Variants in MACROD2 observed in about 807,000 individuals in gnomAD.
MACROD2 encodes ADP-ribose glycohydrolase MACROD2.
In MACROD2, 36 loss-of-function variants were observed where a neutral mutation model predicts 70.4. The ratio of observed to expected loss-of-function variants is 0.51; its 90% CI spans 0.39 to 0.68. The LOEUF (loss-of-function observed/expected upper bound fraction) is 0.68. Among genes scored for constraint, MACROD2 ranks in the 30% least tolerant of loss-of-function variants. The pLI is 0.00. For missense variants in MACROD2, 496 were observed against 538.4 expected, an observed-to-expected ratio of 0.92 and a Z score of 0.78; for synonymous variants, 172 against 178.8, an observed-to-expected ratio of 0.96 and a Z score of 0.30.
At chr20:14,331,746 C>G (rs1327021091) in intron 3 of MACROD2, among the ~76,000 whole-genome samples, 2 of 152,108 alleles carry the variant, frequency 1.3e-5, no homozygotes, top group African/African-American at 4.8e-5. Flanking sequence ...GCAAGGATCT[C>G]TTCATCAAAA....
intron 8 of MACROD2, among the ~76,000 whole-genome samples, chr20:15,532,269 T>C (rs1032252154): frequency 2.0e-5 from 3 of 152,032 alleles, no homozygotes; most frequent in Non-Finnish European, 4.4e-5. Context: ...AAATAATTAC[T>C]CATTGTTCAT....
intron 5 of MACROD2, among the ~76,000 whole-genome samples, chr20:14,931,425 C>G (rs1189072551): frequency 6.6e-6 from 1 of 152,044 alleles, no homozygotes; most frequent in African/African-American, 2.4e-5. Flanking sequence ...AAATGATAGG[C>G]CAGGGGTTCA....
chr20:15,826,820 AT>A (rs1229244126), intron 8 of MACROD2, among the ~76,000 whole-genome samples: 2 of 152,196 alleles, frequency 1.3e-5, no homozygotes, highest in Non-Finnish European at 2.9e-5. Flanking sequence ...CTTCTACCAT[AT>A]GTGTTTGCTA....
chr20:14,117,342 G>A (rs759406162), intron 3 of MACROD2, among the ~76,000 whole-genome samples: 1 of 152,074 alleles, frequency 6.6e-6, no homozygotes, highest in African/African-American at 2.4e-5. Context: ...GTACATCAGA[G>A]CATGGATTAC....
chr20:15,721,835 C>T (rs78869662), intron 8 of MACROD2, among the ~76,000 whole-genome samples: 2,135 of 152,156 alleles, frequency 0.014, 70 homozygotes, highest in East Asian at 0.12. Context: ...ATCATCCTTG[C>T]CAACAATAAT....
rs151183967 is a variant in MACROD2, at chr20:14,724,690, G to A, written c.418+39731G>A. ...TGCTAAGAATGAGTTTGCTATATTC[G>A]AGTAAAAGGCAAAAAGGCCAGTGAG... On this transcript the variant is annotated intron_variant, in intron 5 of 17. Coordinates refer to ENST00000684519, the MANE Select transcript of MACROD2 (RefSeq NM_001351661.2). Among the ~76,000 whole-genome samples the A allele has an allele frequency of 6.2e-3, 939 of 152,232 alleles. 12 individuals are homozygous for A. Among genetic ancestry groups the A allele is most frequent in the African/African-American group, 0.021 (893 of 41,544 alleles).
At chr20:15,126,202 C>T (rs181212976) in intron 5 of MACROD2, among the ~76,000 whole-genome samples, 1 of 143,620 alleles carries the variant, frequency 7.0e-6, no homozygotes, top group East Asian at 2.1e-4. Context: ...TTTCAGTTAT[C>T]CTGCATATAC....
chr20:14,152,797 T>C (rs889977179), intron 3 of MACROD2, among the ~76,000 whole-genome samples: 4 of 152,190 alleles, frequency 2.6e-5, no homozygotes, highest in African/African-American at 9.7e-5. Flanking sequence ...ATTATGACCA[T>C]TAATATATAA....
chr20:16,041,066 C>A lies in MACROD2; in HGVS notation c.1154-135C>A, dbSNP rs192764118. 1.5e-3 allele frequency: 1,132 copies of A among 738,740 alleles called. 2 individuals carry two copies. The highest frequency in any genetic ancestry group is 2.6e-3 in the Admixed American group (90 of 35,018). 45.8% of individuals were successfully genotyped at this position (738,740 alleles called of 1,614,324 possible). A position where few individuals can be genotyped will look rare whatever the true frequency, so the allele number is the denominator to read the frequency against. ...CTCAACCCTCTGTTTCCTCTTTTAA[C>A]CTTTTCTGCAAAAGAAGTTGAATCC... On this transcript the variant is annotated intron_variant, in intron 15 of 17. Coordinates refer to ENST00000684519, the MANE Select transcript of MACROD2 (RefSeq NM_001351661.2).
At chr20:14,147,927 T>C (rs1286693763) in intron 3 of MACROD2, among the ~76,000 whole-genome samples, 1 of 152,150 alleles carries the variant, frequency 6.6e-6, no homozygotes, top group African/African-American at 2.4e-5. Flanking sequence ...AAAGTGACTT[T>C]ATGTATAGTG....
chr20:14,758,022 A>C (rs565208003), intron 5 of MACROD2: 1 of 730,500 alleles, frequency 1.4e-6, no homozygotes, highest in African/African-American at 1.7e-5. Context: ...TTTAGAGGCG[A>C]ATTTGGTCAT....
chr20:14,830,336 A>G (rs1282033058), intron 5 of MACROD2, among the ~76,000 whole-genome samples: 3 of 152,092 alleles, frequency 2.0e-5, no homozygotes, highest in Non-Finnish European at 4.4e-5. Flanking sequence ...TAATAATAAT[A>G]GTGATTAAGC....
intron 8 of MACROD2, among the ~76,000 whole-genome samples, chr20:15,811,514 A>G (rs1236038983): frequency 6.6e-6 from 1 of 151,998 alleles, no homozygotes; most frequent in Non-Finnish European, 1.5e-5. Context: ...TTCCTATTTA[A>G]TTTTCTTTAT....
intron 15 of MACROD2, among the ~76,000 whole-genome samples, chr20:16,022,047 CTT>C (rs543662575): frequency 0.23 from 25,265 of 108,750 alleles, 1,860 homozygotes; most frequent in South Asian, 0.34. Context: ...GTTTCAGTTT[CTT>C]TTTTTTTTTT....
chr20:14,371,948 G>T (rs2083328401), intron 3 of MACROD2, among the ~76,000 whole-genome samples: 1 of 151,916 alleles, frequency 6.6e-6, no homozygotes, highest in South Asian at 2.1e-4. Context: ...CCCTCTGTAT[G>T]TTCTCATAAC....
At chr20:14,560,308 T>TACACACACACACACACAC (rs1232499100) in intron 4 of MACROD2, among the ~76,000 whole-genome samples, 4 of 147,350 alleles carry the variant, frequency 2.7e-5, no homozygotes, top group Admixed American at 6.8e-5. Context: ...GTACTTAATG[T>TACACACACACACACACAC]ACACACACAC....
chr20:15,492,558 A>T (rs2047245228), intron 7 of MACROD2, among the ~76,000 whole-genome samples: 1 of 152,210 alleles, frequency 6.6e-6, no homozygotes, highest in Non-Finnish European at 1.5e-5. Flanking sequence ...ATGTTCTCTG[A>T]AATTATCAAG....
At chr20:15,972,859 C>T (rs2147425187) in intron 13 of MACROD2, among the ~76,000 whole-genome samples, 1 of 151,842 alleles carries the variant, frequency 6.6e-6, no homozygotes. Flanking sequence ...CCAATGGAAA[C>T]TAGAAACTAC....
chr20:14,457,520 G>C (rs192968732), intron 3 of MACROD2, among the ~76,000 whole-genome samples: 1 of 152,142 alleles, frequency 6.6e-6, no homozygotes, highest in African/African-American at 2.4e-5. Context: ...GATTCTATCC[G>C]TTTATACTTC....
Sources: allele counts gnomAD v4.1 joint callset (sites outside exome capture counted in the v4.1 genomes callset), GRCh38; gene constraint gnomAD v4.1.1; transcripts MANE v1.5; gene names NCBI Gene and HGNC (gene_info 2026-07-23, HGNC 2026-07-21).